Variants in CDC42 observed in about 807,000 individuals in gnomAD.
CDC42 encodes the protein cell division cycle 42.
A neutral mutation model predicts 20.8 loss-of-function variants in CDC42; 1 was observed. The ratio of observed to expected loss-of-function variants is 0.05; its 90% confidence interval spans 0.02 to 0.23. The LOEUF (loss-of-function observed/expected upper bound fraction) is 0.23, where lower values mean the gene tolerates loss of function less well. Ranked by LOEUF, CDC42 falls within the 10% of genes least tolerant of loss-of-function variation. The probability of loss-of-function intolerance (pLI) is 1.00; values close to 1 mark genes in which losing one functional copy is unlikely to be tolerated. For synonymous variants in CDC42, 72 were observed against 84.8 expected, an observed-to-expected ratio of 0.85 and a Z score of 0.83; for missense variants, 49 against 227.9, an observed-to-expected ratio of 0.21 and a Z score of 5.05.
In CDC42 at chr1:22,078,653, CTA is replaced by C. The variant is rs1030747870; in HGVS notation, c.105+72_105+73del. ...TGATATCCTTTTGAAAACGCTTTCT[CTA>C]TGTGTACTGAATTTTTTTCTGTTGT... On this transcript the variant is annotated intron_variant, in intron 2 of 5. Coordinates refer to ENST00000656825, the MANE Select transcript of CDC42 (RefSeq NM_001791.4). The C allele has an allele frequency of 3.3e-5, 51 of 1,550,876 alleles. No homozygotes were observed. In the African/African-American group the frequency reaches 5.4e-4, roughly 16 times the overall value.
chr1:22,084,335 GTTTTTTT>G (rs61584354), intron 3 of CDC42, among the ~76,000 whole-genome samples: 14,354 of 81,320 alleles, frequency 0.18, 826 homozygotes, highest in Middle Eastern at 0.31. Flanking sequence ...CTTATTTCCT[GTTTTTTT>G]TTTTTTTTTT....
intron 1 of CDC42, among the ~76,000 whole-genome samples, chr1:22,061,719 T>C (rs1406072323): frequency 6.7e-6 from 1 of 150,330 alleles, no homozygotes; most frequent in Non-Finnish European, 1.5e-5. Flanking sequence ...AATTTTTGTA[T>C]TTTTAGTGGA....
At chr1:22,074,079 T>C (rs946530968) in intron 1 of CDC42, 4 of 152,208 alleles carry the variant, frequency 2.6e-5, no homozygotes, top group Admixed American at 2.6e-4. Flanking sequence ...TTCTTTTTCT[T>C]TCTTCTTTTT....
rs1163385145 is a variant in CDC42, at chr1:22,091,177, GT to G, written c.487-250del. On this transcript the variant is annotated intron_variant, in intron 5 of 5. Transcript: ENST00000656825. ...TGTTTGCTTCTTGTGACATACATTG[GT>G]CTGCGCAAAGCTTTCTCAAAGGACC... 5.9e-5 allele frequency among the ~76,000 whole-genome samples: 9 copies of G among 152,294 alleles called. No individual in the cohort carries two copies. The East Asian group carries it at 1.4e-3, about 23-fold the overall frequency.
At position 22,093,414 on chromosome 1, in the gene CDC42, A is replaced by G. The variant is rs1324375213; in HGVS notation, c.*1897A>G. ...CACACCTAGTTGGTTATCTCAAACTACTACTATCAGAATACAGGTTCTGTG... is the reference window on the plus strand; with the variant it reads ...CACACCTAGTTGGTTATCTCAAACTGCTACTATCAGAATACAGGTTCTGTG... On this transcript the variant is annotated 3_prime_UTR_variant, in exon 6 of 6. Coordinates refer to ENST00000656825, the MANE Select transcript of CDC42 (RefSeq NM_001791.4). Among the ~76,000 whole-genome samples the G allele has an allele frequency of 1.3e-5, 2 of 152,256 alleles. 1 individual carries two copies. The highest frequency in any genetic ancestry group is 2.9e-5 in the Non-Finnish European group (2 of 68,042).
At chr1:22,061,524 GTTTCTTTCTT>G (rs1557893412) in intron 1 of CDC42, among the ~76,000 whole-genome samples, 8 of 40,648 alleles carry the variant, frequency 2.0e-4, no homozygotes, top group Admixed American at 6.1e-4. Flanking sequence ...TTAACTTCAT[GTTTCTTTCTT>G]TTTTTTTTTT....
chr1:22,074,933 G>A (rs1645532691), intron 1 of CDC42, among the ~76,000 whole-genome samples: 1 of 152,160 alleles, frequency 6.6e-6, no homozygotes, highest in South Asian at 2.1e-4. Flanking sequence ...GGAGAAGACA[G>A]AACAATAGAA....
At position 22,091,690 on chromosome 1, in the gene CDC42, T is replaced by C. The variant is rs552891959; in HGVS notation, c.*173T>C. On this transcript the variant is annotated 3_prime_UTR_variant, in exon 6 of 6. Transcript: ENST00000656825. ...AGGCCCATAGGTATGGCCCCCCCCTTCCCCCTCCCAGTACTAGTTAATTTT... is the reference window on the plus strand; with the variant it reads ...AGGCCCATAGGTATGGCCCCCCCCTCCCCCCTCCCAGTACTAGTTAATTTT... The C allele has an allele frequency of 1.2e-5, 4 of 346,134 alleles. No individual in the cohort carries two copies. Among genetic ancestry groups the C allele is most frequent in the Admixed American group, 4.7e-5 (1 of 21,148 alleles). The allele number at this position is 346,134 out of a possible 1,614,324, so 21.4% of individuals were successfully genotyped here.
chr1:22,078,633 T>A, intron 2 of CDC42, 50 bp downstream of exon 2: 1 of 1,564,452 alleles, frequency 6.4e-7, no homozygotes, highest in Non-Finnish European at 8.7e-7. Flanking sequence ...AAATTTGATA[T>A]CCTTTTGAAA....
intron 1 of CDC42, among the ~76,000 whole-genome samples, chr1:22,078,085 TGAA>T (rs1231096771): frequency 1.3e-5 from 2 of 152,218 alleles, no homozygotes; most frequent in Non-Finnish European, 2.9e-5. Flanking sequence ...CACGTGTAAC[TGAA>T]GAACAGCTTT....
chr1:22,069,130 A>G (rs774321615), intron 1 of CDC42, among the ~76,000 whole-genome samples: 10 of 143,074 alleles, frequency 7.0e-5, no homozygotes, highest in African/African-American at 1.0e-4. Flanking sequence ...AGTCTTGAGT[A>G]TTTTGAGGAA....
rs997397327 is a variant in CDC42, at chr1:22,095,322, T to C, written c.*3805T>C. ...TCTCGTTCTGTCGCCCAGGCTGGAG[T>C]GCAGTGGTGCAATCTCGGCTCATTG... On this transcript the variant is annotated 3_prime_UTR_variant, in exon 6 of 6. Coordinates refer to ENST00000656825, the MANE Select transcript of CDC42 (RefSeq NM_001791.4). 2.0e-5 allele frequency among the ~76,000 whole-genome samples: 3 copies of C among 151,974 alleles called. No individual in the cohort carries two copies. The highest frequency in any genetic ancestry group is 2.0e-4 in the Admixed American group (3 of 15,256).
chr1:22,073,552 G>C (rs1162169669), intron 1 of CDC42, among the ~76,000 whole-genome samples: 2 of 150,640 alleles, frequency 1.3e-5, no homozygotes, highest in Non-Finnish European at 3.0e-5. Flanking sequence ...AAAAAAAAAA[G>C]AAAAATAAAA....
intron 1 of CDC42, among the ~76,000 whole-genome samples, chr1:22,076,722 AATTG>A (rs1411073927): frequency 1.3e-5 from 2 of 152,150 alleles, no homozygotes; most frequent in African/African-American, 4.8e-5. Flanking sequence ...TTTAACCAGT[AATTG>A]ATTGATCTTA....
chr1:22,055,531 C>T (rs1645295580), intron 1 of CDC42, among the ~76,000 whole-genome samples: 1 of 150,850 alleles, frequency 6.6e-6, no homozygotes, highest in Admixed American at 6.6e-5. Context: ...ACTCTGTCGC[C>T]CAGGCTAGAG....
chr1:22,061,524 GTTTCTTTCTTTT>G (rs1557893408), intron 1 of CDC42, among the ~76,000 whole-genome samples: 7 of 40,648 alleles, frequency 1.7e-4, no homozygotes, highest in Admixed American at 6.1e-4. Flanking sequence ...TTAACTTCAT[GTTTCTTTCTTTT>G]TTTTTTTTTT....
At chr1:22,071,279 C>T (rs1008962488) in intron 1 of CDC42, among the ~76,000 whole-genome samples, 3 of 152,076 alleles carry the variant, frequency 2.0e-5, no homozygotes, top group Middle Eastern at 3.4e-3. Context: ...CTCCTGACCT[C>T]GTGATCCATC....
intron 1 of CDC42, among the ~76,000 whole-genome samples, chr1:22,072,415 C>T (rs1645502632): frequency 6.6e-6 from 1 of 152,006 alleles, no homozygotes; most frequent in Non-Finnish European, 1.5e-5. Flanking sequence ...TACCTTTATG[C>T]CTTTGTCATA....
rs563376388 is a variant in CDC42 at position 22,082,322 on chromosome 1, T to TA, written c.178+529dup. Reference sequence around the variant, plus strand: ...GTGTCTAATAACATGTTTAGTTTCTTACGATAGATAGCTTATTTTAAACTG... The same window carrying TA: ...GTGTCTAATAACATGTTTAGTTTCTTAACGATAGATAGCTTATTTTAAACTG... On this transcript the variant is annotated intron_variant, in intron 3 of 5. Coordinates refer to ENST00000656825, the MANE Select transcript of CDC42 (RefSeq NM_001791.4). Among the ~76,000 whole-genome samples the TA allele has an allele frequency of 8.9e-4, 135 of 152,364 alleles. 1 individual carries two copies. Among genetic ancestry groups the TA allele is most frequent in the East Asian group, 1.7e-3 (9 of 5,194 alleles).
Sources: gnomAD v4.1 joint callset for allele counts (sites outside exome capture counted in the v4.1 genomes callset) on GRCh38, gnomAD v4.1.1 for gene constraint, MANE v1.5 for transcripts, NCBI Gene and HGNC (gene_info 2026-07-23, HGNC 2026-07-21) for gene names.